The following DLEC1 variants were observed in gnomAD, a reference collection of about 807,000 sequenced individuals.
DLEC1 encodes DLEC1 cilia and flagella associated protein.
In DLEC1, 146 loss-of-function variants were observed where a neutral mutation model predicts 198.1. That is an observed-to-expected ratio of 0.74 (90% CI 0.64 to 0.85). The LOEUF is 0.85. Among genes scored for constraint, DLEC1 ranks in the 40% least tolerant of loss-of-function variants. The probability of loss-of-function intolerance (pLI) is 0.00; values close to 1 mark genes in which losing one functional copy is unlikely to be tolerated. For missense variants in DLEC1, 2,233 were observed against 2,220.0 expected (o/e 1.01, Z -0.12); for synonymous variants, 897 against 866.8 (o/e 1.03, Z -0.61).
In DLEC1 at chr3:38,122,806, A is replaced by C. The variant is rs1700560624; in HGVS notation, c.*394A>C. ...TAACCATGGCCTTGTGGCCTGGGTG[A>C]CCCAGGCTGCTTTTATCTTGCACAG... On this transcript the variant is annotated 3_prime_UTR_variant, in exon 37 of 37. Coordinates refer to ENST00000308059, the MANE Select transcript of DLEC1 (RefSeq NM_007335.4). 1 of 997,834 alleles carries C rather than the reference A, an allele frequency of 1.0e-6. No homozygotes were observed. The highest frequency in any genetic ancestry group is 3.0e-5 in the Admixed American group (1 of 33,176). The allele number at this position is 997,834 out of a possible 1,614,324, so 61.8% of individuals were successfully genotyped here. A position where few individuals can be genotyped will look rare whatever the true frequency, so the allele number is the denominator to read the frequency against.
Position 38,096,565 on chromosome 3 carries a change from T to C in DLEC1, c.2172-4T>C. ...CTCCTAGCTAACGGTGGGTTTGTGT[T>C]TAGTTCAGAAGCGGAGAGCCTGGGG... On this transcript the variant is annotated splice_region_variant and splice_polypyrimidine_tract_variant and intron_variant, in intron 14 of 36. Coordinates refer to ENST00000308059, the MANE Select transcript of DLEC1 (RefSeq NM_007335.4). 6.2e-7 allele frequency: 1 copy of C among 1,609,218 alleles called. No homozygotes were observed. Among genetic ancestry groups the C allele is most frequent in the Non-Finnish European group, 8.5e-7 (1 of 1,178,596 alleles).
intron 7 of DLEC1, among the ~76,000 whole-genome samples, chr3:38,084,913 T>C (rs1158249242): frequency 6.6e-6 from 1 of 152,138 alleles, no homozygotes; most frequent in Non-Finnish European, 1.5e-5. Context: ...CCAGCCTTCC[T>C]ACTTTAGTGT....
At chr3:38,108,124 A>G (rs1310929392) in intron 20 of DLEC1, among the ~76,000 whole-genome samples, 1 of 152,236 alleles carries the variant, frequency 6.6e-6, no homozygotes, top group African/African-American at 2.4e-5. Context: ...GTGCACCAGA[A>G]GCATCTGCCC....
At chr3:38,065,245 G>A (rs1254480748) in intron 6 of DLEC1, among the ~76,000 whole-genome samples, 1 of 152,244 alleles carries the variant, frequency 6.6e-6, no homozygotes, top group African/African-American at 2.4e-5. Flanking sequence ...GGCTGAGGCA[G>A]GAGAATCAGG....
chr3:38,063,009 G>A (rs1696779093), intron 5 of DLEC1, among the ~76,000 whole-genome samples: 1 of 152,112 alleles, frequency 6.6e-6, no homozygotes, highest in Non-Finnish European at 1.5e-5. Context: ...GACCTGCCAG[G>A]GGTCTTGAGA....
At chr3:38,062,903 G>C in intron 5 of DLEC1, 102 bp downstream of exon 5, 1 of 1,259,554 alleles carries the variant, frequency 7.9e-7, no homozygotes, top group South Asian at 1.4e-5. Context: ...TAGACTTGTG[G>C]GGCAGGGTAG....
Position 38,110,107 on chromosome 3 carries a change from A to T in DLEC1, c.3269A>T (p.Gln1090Leu). 6.2e-7 allele frequency: 1 copy of T among 1,614,024 alleles called. No individual in the cohort carries two copies. Among genetic ancestry groups the T allele is most frequent in the South Asian group, 1.1e-5 (1 of 91,088 alleles). ...CAGGACAGTGTTTTCAGCACAGAGC[A>T]GTGGCCAGGCCACCCAAAGGAGCTC... Reference protein sequence around the residue: ...SKESSDCSTEQWPGHPKELRL... With the variant: ...SKESSDCSTELWPGHPKELRL... The change falls in exon 23 of 37, where the codon CAG (glutamine) becomes CTG (leucine). Residue 1090 changes from glutamine to leucine, a missense_variant. Coordinates refer to ENST00000308059, the MANE Select transcript of DLEC1 (RefSeq NM_007335.4).
intron 33 of DLEC1, among the ~76,000 whole-genome samples, chr3:38,118,759 G>A (rs1021920892): frequency 3.9e-5 from 6 of 152,056 alleles, no homozygotes; most frequent in Non-Finnish European, 7.4e-5. Context: ...CCTTTATGCT[G>A]TGCTCCCTTG....
rs1191502197 is a variant in DLEC1, at chr3:38,122,611, A to C, written c.*199A>C. 2 of 1,556,404 alleles carry C rather than the reference A, an allele frequency of 1.3e-6. No individual in the cohort carries two copies. The highest frequency in any genetic ancestry group is 1.7e-6 in the Non-Finnish European group (2 of 1,155,566). On this transcript the variant is annotated 3_prime_UTR_variant, in exon 37 of 37. Coordinates refer to ENST00000308059, the MANE Select transcript of DLEC1 (RefSeq NM_007335.4). ...TGTCCTCAGAGCTAACATAAAGGAC[A>C]GGCCACACCACAGCAGAGACCACCA... is the stretch of plus-strand genomic sequence containing the variant.
chr3:38,112,032 G>A lies in DLEC1; in HGVS notation c.3515-178G>A, dbSNP rs1699911175. Among the ~76,000 whole-genome samples the A allele has an allele frequency of 6.6e-6, 1 of 152,130 alleles. No individual in the cohort carries two copies. The highest frequency in any genetic ancestry group is 1.5e-5 in the Non-Finnish European group (1 of 67,976). ...AGGGAGTAGAGAGGCTGACCACGCAGGACCCTGAGTAGCTTGCCTCTGGAT... is the reference window on the plus strand; with the variant it reads ...AGGGAGTAGAGAGGCTGACCACGCAAGACCCTGAGTAGCTTGCCTCTGGAT... On this transcript the variant is annotated intron_variant, in intron 24 of 36. Coordinates refer to ENST00000308059, the MANE Select transcript of DLEC1 (RefSeq NM_007335.4). This position sits in a 1 kb window ranked among gnomAD's most constrained non-coding sequence, Gnocchi z 4.8.
intron 23 of DLEC1, among the ~76,000 whole-genome samples, 166 bp downstream of exon 23, chr3:38,110,447 T>C (rs1019999400): frequency 4.6e-5 from 7 of 152,208 alleles, no homozygotes; most frequent in Non-Finnish European, 8.8e-5. Context: ...TGGCTCCTGC[T>C]GTCCACCTCC....
chr3:38,114,872 C>T (rs1202897270), intron 26 of DLEC1, 111 bp from the exon 27 acceptor site: 3 of 931,988 alleles, frequency 3.2e-6, no homozygotes, highest in African/African-American at 3.3e-5. Flanking sequence ...CGAGTGAGGC[C>T]AGACCACTGT....
At position 38,112,120 on chromosome 3, in the gene DLEC1, C is replaced by T. The variant is rs952606072; in HGVS notation, c.3515-90C>T. The T allele has an allele frequency of 2.6e-5, 41 of 1,573,622 alleles. 2 individuals carry two copies. In the Middle Eastern group the frequency reaches 5.1e-4, roughly 19 times the overall value. On this transcript the variant is annotated intron_variant, in intron 24 of 36. Transcript: ENST00000308059. The surrounding 1 kb of genome is among the most constrained non-coding windows in gnomAD (Gnocchi z 4.8). ...AAGGAGAGGCTGGAGGGTGGCTTATCGGGGACAGTGCTTTGCTCACACACG... is the reference window on the plus strand; with the variant it reads ...AAGGAGAGGCTGGAGGGTGGCTTATTGGGGACAGTGCTTTGCTCACACACG...
chr3:38,047,330 C>A (rs1700927724), intron 2 of DLEC1, among the ~76,000 whole-genome samples: 1 of 152,026 alleles, frequency 6.6e-6, no homozygotes, highest in Non-Finnish European at 1.5e-5. Flanking sequence ...TGGAATACTG[C>A]AAAGTTGTTT....
chr3:38,120,374 G>C, intron 33 of DLEC1, 74 bp from the exon 34 acceptor site: 1 of 1,557,568 alleles, frequency 6.4e-7, no homozygotes, highest in Non-Finnish European at 8.8e-7. Flanking sequence ...AGGAAAGGAG[G>C]ATGGAGCTCC....
Position 38,097,778 on chromosome 3 carries a change from A to G in DLEC1, c.2600A>G (p.Gln867Arg). ...CTCATCATCAACGTCTCAGCCCTTC[A>G]GTTTGGTCTGCTCCGCCTGGGGCAG... is the stretch of plus-strand genomic sequence containing the variant. ...PALIINVSAL[Q>R]FGLLRLGQKA... is the part of the protein sequence containing the mutation. The change falls in exon 18 of 37, where the codon CAG becomes CGG. Residue 867 changes from glutamine to arginine, a missense_variant. By Grantham distance (43) the Gln-to-Arg change is conservative. Transcript: ENST00000308059. 3.1e-6 allele frequency: 5 copies of G among 1,614,020 alleles called. No homozygotes were observed. Among genetic ancestry groups the G allele is most frequent in the Non-Finnish European group, 4.2e-6 (5 of 1,179,980 alleles).
At chr3:38,066,299 T>A (rs1327828241) in intron 6 of DLEC1, among the ~76,000 whole-genome samples, 1 of 152,228 alleles carries the variant, frequency 6.6e-6, no homozygotes, top group African/African-American at 2.4e-5. Context: ...AATTTCTAAT[T>A]CTATTATTCC....
intron 10 of DLEC1, among the ~76,000 whole-genome samples, chr3:38,089,983 G>C (rs1698659344): frequency 6.6e-6 from 1 of 152,174 alleles, no homozygotes; most frequent in Admixed American, 6.5e-5. Flanking sequence ...TTAAAGACCA[G>C]CCTGGGCAAC....
intron 6 of DLEC1, among the ~76,000 whole-genome samples, chr3:38,067,765 T>C (rs1697103690): frequency 1.3e-5 from 2 of 151,366 alleles, no homozygotes; most frequent in Non-Finnish European, 2.9e-5. Flanking sequence ...TTTTTTTTTT[T>C]TTTTTGAGAT....
Sources: allele counts gnomAD v4.1 joint callset (sites outside exome capture counted in the v4.1 genomes callset), GRCh38; gene constraint gnomAD v4.1.1; non-coding constraint Gnocchi (gnomAD v3.1); transcripts MANE v1.5; gene names NCBI Gene and HGNC (gene_info 2026-07-23, HGNC 2026-07-21).